The following EXTL3 variants were observed in gnomAD, a reference collection of about 807,000 sequenced individuals.
The protein encoded by EXTL3 is exostosin like glycosyltransferase 3.
Under a neutral mutation model 69.3 loss-of-function variants are expected in EXTL3, and 27 were observed. That is an observed-to-expected ratio of 0.39 (90% CI 0.29 to 0.54). EXTL3 has a LOEUF of 0.54. EXTL3 is among the 20% of genes least tolerant of loss of function. EXTL3 has a pLI of 0.69. For synonymous variants in EXTL3, 511 were observed against 499.4 expected (o/e 1.02, Z -0.31); for missense variants, 1,003 against 1,231.8 (o/e 0.81, Z 2.78).
chr8:28,666,212 A>T (rs1179919960), intron 1 of EXTL3, among the ~76,000 whole-genome samples: 2 of 152,128 alleles, frequency 1.3e-5, no homozygotes, highest in Non-Finnish European at 2.9e-5. Flanking sequence ...GCATCAGTTT[A>T]AACTCCGGAA....
intron 1 of EXTL3, among the ~76,000 whole-genome samples, chr8:28,672,340 AC>A (rs1227962894): frequency 2.1e-5 from 3 of 139,694 alleles, no homozygotes; most frequent in African/African-American, 7.9e-5. Flanking sequence ...ATGGCATGAA[AC>A]CAGGAGGCGG....
chr8:28,666,383 T>A (rs1274375946), intron 1 of EXTL3, among the ~76,000 whole-genome samples: 3 of 152,050 alleles, frequency 2.0e-5, no homozygotes, highest in African/African-American at 7.2e-5. Context: ...GCTCAAGTGA[T>A]CCTCCTGCCT....
intron 1 of EXTL3, among the ~76,000 whole-genome samples, chr8:28,665,868 A>T (rs1330213610): frequency 6.6e-6 from 1 of 152,240 alleles, no homozygotes; most frequent in Non-Finnish European, 1.5e-5. Context: ...AGACACTGGC[A>T]GTCCCAACTC....
At chr8:28,688,507 A>G (rs240928) in intron 1 of EXTL3, among the ~76,000 whole-genome samples, 5,827 of 152,320 alleles carry the variant, frequency 0.038, 151 homozygotes, top group Non-Finnish European at 0.061. Context: ...GGTAGGTACC[A>G]TTATTATCCC....
At chr8:28,652,900 T>A (rs143598770) in intron 1 of EXTL3, among the ~76,000 whole-genome samples, 4 of 152,168 alleles carry the variant, frequency 2.6e-5, no homozygotes, top group African/African-American at 7.2e-5. Context: ...ACAGCAAAAC[T>A]GAGCAGAAAG....
chr8:28,643,074 T>C (rs190492104), intron 1 of EXTL3, among the ~76,000 whole-genome samples: 1 of 152,034 alleles, frequency 6.6e-6, no homozygotes, highest in Admixed American at 6.6e-5. Flanking sequence ...TGAAACCCCA[T>C]CTCTACTAAA....
At chr8:28,650,255 C>G (rs1011933676) in intron 1 of EXTL3, among the ~76,000 whole-genome samples, 1 of 151,404 alleles carries the variant, frequency 6.6e-6, no homozygotes, top group Non-Finnish European at 1.5e-5. Context: ...TACCTCTCCC[C>G]AATTTCACAA....
At chr8:28,627,858 T>C (rs1188189970) in intron 1 of EXTL3, among the ~76,000 whole-genome samples, 2 of 152,086 alleles carry the variant, frequency 1.3e-5, no homozygotes, top group East Asian at 3.9e-4. Flanking sequence ...TATATGATTC[T>C]ACTCGTATGA....
intron 1 of EXTL3, among the ~76,000 whole-genome samples, chr8:28,628,600 T>C (rs1806529174): frequency 6.6e-6 from 1 of 152,206 alleles, no homozygotes; most frequent in Admixed American, 6.5e-5. Flanking sequence ...AAAAGTCCTA[T>C]GGTATGTCAC....
intron 5 of EXTL3, chr8:28,739,926 T>C (rs1007053078): frequency 2.0e-5 from 3 of 152,236 alleles, no homozygotes; most frequent in Admixed American, 2.0e-4. Flanking sequence ...CTTCCCAGAT[T>C]CAGACTGTTC....
chr8:28,628,560 T>G (rs1806528377), intron 1 of EXTL3, among the ~76,000 whole-genome samples: 1 of 152,124 alleles, frequency 6.6e-6, no homozygotes, highest in Admixed American at 6.6e-5. Flanking sequence ...ATGGCCAATT[T>G]TATGTTCAAT....
intron 2 of EXTL3, among the ~76,000 whole-genome samples, chr8:28,616,370 A>T (rs1285699450): frequency 6.6e-6 from 1 of 152,196 alleles, no homozygotes; most frequent in African/African-American, 2.4e-5. Flanking sequence ...TCACGCCTGT[A>T]ATCCCAGCAC....
At chr8:28,739,835 A>G (rs1333752532) in intron 5 of EXTL3, 1 of 152,156 alleles carries the variant, frequency 6.6e-6, no homozygotes, top group East Asian at 1.9e-4. Context: ...CAAGATTTTC[A>G]CACTTGCTCA....
At chr8:28,619,515 A>C (rs907006624), upstream of EXTL3, among the ~76,000 whole-genome samples, 2 of 151,850 alleles carry the variant, frequency 1.3e-5, no homozygotes, top group Admixed American at 1.3e-4. Flanking sequence ...CCCTGGACTG[A>C]CCCACTGCCC....
intron 1 of EXTL3, among the ~76,000 whole-genome samples, chr8:28,659,781 T>C (rs1807077659): frequency 1.3e-5 from 2 of 152,188 alleles, no homozygotes; most frequent in Non-Finnish European, 2.9e-5. Context: ...TATGCAAACA[T>C]GACATCATTG....
intron 1 of EXTL3, among the ~76,000 whole-genome samples, chr8:28,670,494 GA>G (rs1807269128): frequency 6.6e-6 from 1 of 152,118 alleles, no homozygotes; most frequent in Non-Finnish European, 1.5e-5. Flanking sequence ...ATTCTAGTTC[GA>G]AAACCAGCAG....
chr8:28,749,013 C>T, intron 6 of EXTL3, among the ~76,000 whole-genome samples: 1 of 152,138 alleles, frequency 6.6e-6, no homozygotes, highest in East Asian at 1.9e-4. Context: ...AACCAAAAAT[C>T]TGTTATAAGG....
intron 1 of EXTL3, among the ~76,000 whole-genome samples, chr8:28,634,282 AGTTCTTCATT>A (rs1232105065): frequency 6.6e-6 from 1 of 152,146 alleles, no homozygotes; most frequent in African/African-American, 2.4e-5. Context: ...TAGAGTCCAA[AGTTCTTCATT>A]GTTCTTAAGC....
chr8:28,684,485 G>C (rs1480061888), intron 1 of EXTL3, among the ~76,000 whole-genome samples: 1 of 152,116 alleles, frequency 6.6e-6, no homozygotes, highest in Non-Finnish European at 1.5e-5. Flanking sequence ...GCTCACCCTT[G>C]TAATCCCAGT....
Sources: gnomAD v4.1 joint callset for allele counts (sites outside exome capture counted in the v4.1 genomes callset) on GRCh38, gnomAD v4.1.1 for gene constraint, MANE v1.5 for transcripts, NCBI Gene and HGNC (gene_info 2026-07-23, HGNC 2026-07-21) for gene names.